The following MTUS2 variants were observed in gnomAD, a reference collection of about 807,000 sequenced individuals.
MTUS2 encodes microtubule-associated tumor suppressor candidate 2.
In MTUS2, 40 loss-of-function variants were observed where a neutral mutation model predicts 114.1. That is an observed-to-expected ratio of 0.35 (90% CI 0.27 to 0.46). The LOEUF (loss-of-function observed/expected upper bound fraction) is 0.46, where lower values mean the gene tolerates loss of function less well. MTUS2 is among the 20% of genes least tolerant of loss of function. MTUS2 has a pLI of 1.00. For synonymous variants in MTUS2, 688 were observed against 672.0 expected (o/e 1.02, Z -0.37); for missense variants, 1,679 against 1,705.4 (o/e 0.98, Z 0.27).
At chr13:28,994,675 G>T (rs957554315) in intron 2 of MTUS2, among the ~76,000 whole-genome samples, 7 of 152,118 alleles carry the variant, frequency 4.6e-5, no homozygotes, top group Admixed American at 2.0e-4. Context: ...TTTTTCATGT[G>T]TTTTTTGGCT....
intron 5 of MTUS2, among the ~76,000 whole-genome samples, chr13:29,133,174 TCTC>T: frequency 6.6e-6 from 1 of 152,290 alleles, no homozygotes; most frequent in Middle Eastern, 3.4e-3. Flanking sequence ...TGGAGATCCG[TCTC>T]CTCCAGTCCT....
intron 5 of MTUS2, among the ~76,000 whole-genome samples, chr13:29,109,662 C>T (rs936975564): frequency 1.3e-5 from 2 of 152,024 alleles, no homozygotes; most frequent in South Asian, 2.1e-4. Flanking sequence ...TCAATAGGGT[C>T]GATGGGAGCA....
intron 5 of MTUS2, among the ~76,000 whole-genome samples, chr13:29,138,671 A>C (rs1320463380): frequency 6.6e-6 from 1 of 151,620 alleles, no homozygotes; most frequent in Non-Finnish European, 1.5e-5. Context: ...CTCTGTAAAC[A>C]TAATAAAAAC....
intron 2 of MTUS2, among the ~76,000 whole-genome samples, chr13:28,969,418 T>A (rs1375650690): frequency 6.6e-6 from 1 of 152,202 alleles, no homozygotes; most frequent in African/African-American, 2.4e-5. Context: ...ACGTTCAGTA[T>A]CTTCCTTCTA....
At chr13:29,190,463 G>T (rs189024137) in intron 5 of MTUS2, among the ~76,000 whole-genome samples, 2 of 152,336 alleles carry the variant, frequency 1.3e-5, no homozygotes, top group South Asian at 2.1e-4. Context: ...GGAACTGGTA[G>T]CCCACATGCT....
At chr13:29,412,581 T>C (rs1218948145) in intron 8 of MTUS2, among the ~76,000 whole-genome samples, 1 of 152,012 alleles carries the variant, frequency 6.6e-6, no homozygotes, top group Admixed American at 6.6e-5. Flanking sequence ...AATTAGGTCA[T>C]ACTTAATTAT....
intron 2 of MTUS2, among the ~76,000 whole-genome samples, chr13:28,927,722 C>G (rs940708538): frequency 6.6e-6 from 1 of 152,138 alleles, no homozygotes; most frequent in African/African-American, 2.4e-5. Context: ...AATGAAATCC[C>G]TATCAAAATA....
At chr13:29,248,979 C>T (rs958656190) in intron 5 of MTUS2, among the ~76,000 whole-genome samples, 2 of 151,914 alleles carry the variant, frequency 1.3e-5, no homozygotes, top group Non-Finnish European at 2.9e-5. Flanking sequence ...TTCTTTCGTT[C>T]GTTTGTTCGT....
chr13:29,004,675 A>G (rs1885529988), intron 2 of MTUS2, among the ~76,000 whole-genome samples: 2 of 152,212 alleles, frequency 1.3e-5, no homozygotes, highest in African/African-American at 4.8e-5. Flanking sequence ...AGTTTGCTAG[A>G]ATGTGATGGG....
intron 5 of MTUS2, among the ~76,000 whole-genome samples, chr13:29,150,173 G>A (rs926734508): frequency 2.8e-4 from 42 of 152,210 alleles, no homozygotes; most frequent in African/African-American, 9.4e-4. Context: ...CCATTTGTTT[G>A]CACCCTCTCT....
intron 6 of MTUS2, among the ~76,000 whole-genome samples, chr13:29,323,195 C>T (rs922488207): frequency 5.9e-5 from 9 of 151,790 alleles, no homozygotes; most frequent in African/African-American, 1.9e-4. Flanking sequence ...TCTAAATGCT[C>T]ATCCATAAGA....
intron 2 of MTUS2, among the ~76,000 whole-genome samples, chr13:28,912,450 C>T (rs1042693720): frequency 1.3e-5 from 2 of 152,142 alleles, no homozygotes; most frequent in African/African-American, 2.4e-5. Flanking sequence ...AGCGTGATGC[C>T]TCCAGCTTTG....
intron 2 of MTUS2, among the ~76,000 whole-genome samples, chr13:28,946,444 C>T (rs1882538979): frequency 6.6e-6 from 1 of 152,054 alleles, no homozygotes; most frequent in Admixed American, 6.5e-5. Flanking sequence ...TCGGTAGATC[C>T]TAAGGAAAAA....
At chr13:28,900,098 G>C (rs1164673793) in intron 2 of MTUS2, among the ~76,000 whole-genome samples, 3 of 152,040 alleles carry the variant, frequency 2.0e-5, no homozygotes, top group Non-Finnish European at 2.9e-5. Flanking sequence ...ATGTCGGCCA[G>C]GTTGGCCTCG....
chr13:28,904,678 C>T (rs1189052173), intron 2 of MTUS2, among the ~76,000 whole-genome samples: 1 of 152,094 alleles, frequency 6.6e-6, no homozygotes, highest in Non-Finnish European at 1.5e-5. Flanking sequence ...AGTTTGAAGT[C>T]AGGTAGCGTG....
At chr13:29,156,492 G>A (rs1050627676) in intron 5 of MTUS2, among the ~76,000 whole-genome samples, 10 of 152,118 alleles carry the variant, frequency 6.6e-5, no homozygotes, top group Admixed American at 4.6e-4. Context: ...AAGATGTCTG[G>A]AAAGATGTTG....
intron 2 of MTUS2, among the ~76,000 whole-genome samples, chr13:29,015,076 G>T (rs527746198): frequency 1.3e-5 from 2 of 152,292 alleles, no homozygotes; most frequent in African/African-American, 4.8e-5. Flanking sequence ...CGACATTCTG[G>T]AAAAGCAATG....
intron 2 of MTUS2, among the ~76,000 whole-genome samples, chr13:28,984,536 C>G (rs186636468): frequency 6.6e-6 from 1 of 152,352 alleles, no homozygotes; most frequent in Non-Finnish European, 1.5e-5. Flanking sequence ...AGCGCACTCT[C>G]TGTCATGGAG....
rs1327740071 is a variant in MTUS2, at chr13:29,504,102, G to T, written c.*896G>T. On this transcript the variant is annotated 3_prime_UTR_variant, in exon 16 of 16. Transcript: ENST00000612955. Reference sequence around the variant, plus strand: ...TGCACCCTCCGGAAAACATGGCAGAGCATGACCTTTGAGTAAGAGTGAGGA... The same window carrying T: ...TGCACCCTCCGGAAAACATGGCAGATCATGACCTTTGAGTAAGAGTGAGGA... 1.7e-5 allele frequency: 4 copies of T among 231,830 alleles called. No homozygotes were observed. Among genetic ancestry groups the T allele is most frequent in the African/African-American group, 4.4e-5 (2 of 45,262 alleles). 14.4% of individuals were successfully genotyped at this position (231,830 alleles called of 1,614,324 possible). A position where few individuals can be genotyped will look rare whatever the true frequency, so the allele number is the denominator to read the frequency against.
Sources: gnomAD v4.1 joint callset for allele counts (sites outside exome capture counted in the v4.1 genomes callset) on GRCh38, gnomAD v4.1.1 for gene constraint, MANE v1.5 for transcripts, NCBI Gene and HGNC (gene_info 2026-07-23, HGNC 2026-07-21) for gene names.